ATP13A5: variants seen among roughly 807,000 people sequenced by gnomAD.
The protein encoded by ATP13A5 is ATPase 13A5, also known as probable cation-transporting ATPase 13A5.
ATP13A5 carries 149 observed loss-of-function variants against 150.2 expected under a neutral mutation model. That is an observed-to-expected ratio of 0.99 (90% confidence interval 0.87 to 1.14). ATP13A5 has a LOEUF of 1.14. Among genes scored for constraint, ATP13A5 ranks in the 50% most tolerant of loss-of-function variants. The pLI is 0.00. For synonymous variants in ATP13A5, 497 were observed against 522.2 expected (o/e 0.95, Z 0.66); for missense variants, 1,383 against 1,449.3 (o/e 0.95, Z 0.74).
intron 26 of ATP13A5, among the ~76,000 whole-genome samples, 170 bp downstream of exon 26, chr3:193,289,715 C>T (rs562623002): frequency 6.6e-6 from 1 of 152,248 alleles, no homozygotes; most frequent in African/African-American, 2.4e-5. Context: ...CCACCCACTC[C>T]ACCCCAGTAG....
intron 1 of ATP13A5, among the ~76,000 whole-genome samples, chr3:193,369,476 T>G (rs1286640197): frequency 6.6e-6 from 1 of 152,112 alleles, no homozygotes; most frequent in Non-Finnish European, 1.5e-5. Flanking sequence ...GTATTTATTT[T>G]GACCAACTAA....
chr3:193,377,369 A>G (rs1461652577), intron 1 of ATP13A5, among the ~76,000 whole-genome samples: 1 of 152,264 alleles, frequency 6.6e-6, no homozygotes, highest in Non-Finnish European at 1.5e-5. Flanking sequence ...TAGCAGCCAC[A>G]TTAAAGATGT....
chr3:193,285,244 G>T, intron 26 of ATP13A5, 128 bp from the exon 27 acceptor site: 1 of 718,310 alleles, frequency 1.4e-6, no homozygotes, highest in Non-Finnish European at 2.3e-6. Context: ...TAACTACCAA[G>T]ACATACTTTG....
intron 8 of ATP13A5, among the ~76,000 whole-genome samples, 198 bp downstream of exon 8, chr3:193,344,805 T>G (rs1325142212): frequency 1.3e-5 from 2 of 152,178 alleles, no homozygotes; most frequent in Non-Finnish European, 2.9e-5. Context: ...CTCAGGGCCC[T>G]GCAGCTGTGG....
intron 9 of ATP13A5, among the ~76,000 whole-genome samples, chr3:193,340,200 G>T (rs1037251764): frequency 6.6e-6 from 1 of 152,178 alleles, no homozygotes; most frequent in African/African-American, 2.4e-5. Flanking sequence ...CAAGGATCAA[G>T]ATGCCTCTTC....
rs1041023181 is a variant in ATP13A5, at chr3:193,327,171, C to T, written c.1462-114G>A. The stretch of plus-strand genomic sequence containing the variant: ...TATAGTAGATCCAGTAGTCTAAATA[C>T]CTTGTTTATAAGTACCAAATTTTAA... On this transcript the variant is annotated intron_variant, in intron 12 of 29. Transcript: ENST00000342358. 6 of 933,190 alleles carry T rather than the reference C, an allele frequency of 6.4e-6. No individual in the cohort carries two copies. The Admixed American group carries it at 1.0e-4, about 16-fold the overall frequency. The allele number at this position is 933,190 out of a possible 1,614,324, so 57.8% of individuals were successfully genotyped here.
intron 7 of ATP13A5, among the ~76,000 whole-genome samples, chr3:193,350,523 C>T (rs1213410464): frequency 2.0e-5 from 3 of 152,078 alleles, no homozygotes; most frequent in African/African-American, 7.2e-5. Flanking sequence ...CCCCTAACTC[C>T]CACACAGGAA....
chr3:193,299,819 T>C (rs1180274380), intron 24 of ATP13A5, among the ~76,000 whole-genome samples: 1 of 152,184 alleles, frequency 6.6e-6, no homozygotes, highest in Non-Finnish European at 1.5e-5. Context: ...GAAGTTGCCT[T>C]GCAATATCTC....
At chr3:193,340,649 C>T (rs779967235) in intron 9 of ATP13A5, among the ~76,000 whole-genome samples, 2 of 152,142 alleles carry the variant, frequency 1.3e-5, no homozygotes, top group African/African-American at 4.8e-5. Context: ...CACCCCTCTT[C>T]GCCATAATTA....
In ATP13A5 at chr3:193,331,324, AGAC is replaced by A. The variant is rs1490810775; in HGVS notation, c.1273-16_1273-14del. ...CTTTTGGAGGAACCTGGGAGAGGAC[AGAC>A]ATTTTCATACAGGATAGCCCAGCAC... On this transcript the variant is annotated splice_polypyrimidine_tract_variant and intron_variant, in intron 11 of 29. Transcript: ENST00000342358. The A allele has an allele frequency of 1.9e-6, 3 of 1,609,242 alleles. No individual in the cohort carries two copies. Among genetic ancestry groups the A allele is most frequent in the Non-Finnish European group, 1.7e-6 (2 of 1,178,502 alleles).
At position 193,281,238 on chromosome 3, in the gene ATP13A5, G is replaced by T. The variant is rs181959559; in HGVS notation, c.3227-1784C>A. On this transcript the variant is annotated intron_variant, in intron 27 of 29. Coordinates refer to ENST00000342358, the MANE Select transcript of ATP13A5 (RefSeq NM_198505.4). ...AGAAGCTGGGAAGAAGAGGACGCCT[G>T]AAAGGTCTGTTCTGATGAAGTCCTA... 2,808 of 984,522 alleles carry T rather than the reference G, an allele frequency of 2.9e-3. 7 individuals are homozygous for T. Among genetic ancestry groups the T allele is most frequent in the Non-Finnish European group, 3.2e-3 (2,667 of 829,106 alleles). 61.0% of individuals were successfully genotyped at this position (984,522 alleles called of 1,614,324 possible).
intron 24 of ATP13A5, among the ~76,000 whole-genome samples, chr3:193,300,395 T>C (rs1718353204): frequency 6.6e-6 from 1 of 152,144 alleles, no homozygotes. Flanking sequence ...AATCCAGGTT[T>C]TCTGACTCCC....
At position 193,285,132 on chromosome 3, in the gene ATP13A5, C is replaced by T. The variant is rs1445346349; in HGVS notation, c.3024-16G>A. 6.2e-7 allele frequency: 1 copy of T among 1,602,946 alleles called. No individual in the cohort carries two copies. Among genetic ancestry groups the T allele is most frequent in the Admixed American group, 1.7e-5 (1 of 59,064 alleles). On this transcript the variant is annotated splice_polypyrimidine_tract_variant and intron_variant, in intron 26 of 29. Coordinates refer to ENST00000342358, the MANE Select transcript of ATP13A5 (RefSeq NM_198505.4). ...AAAACACTCACTACAAAAGAATCACCAGTGTTTATGAAACATTTGATTCCA... is the reference window on the plus strand; with the variant it reads ...AAAACACTCACTACAAAAGAATCACTAGTGTTTATGAAACATTTGATTCCA...
chr3:193,275,970 A>T (rs923743833), intron 29 of ATP13A5, among the ~76,000 whole-genome samples: 2 of 150,162 alleles, frequency 1.3e-5, no homozygotes. Flanking sequence ...ATAGCTATTT[A>T]AACAAACAGC....
chr3:193,360,295 AT>A (rs10708126), intron 5 of ATP13A5, among the ~76,000 whole-genome samples: 21,938 of 152,172 alleles, frequency 0.14, 1,758 homozygotes, highest in Non-Finnish European at 0.16. Context: ...GTAAATCTGC[AT>A]TTTCTCTCTC....
At chr3:193,305,449 C>A in intron 23 of ATP13A5, 110 bp downstream of exon 23, 1 of 891,712 alleles carries the variant, frequency 1.1e-6, no homozygotes, top group Non-Finnish European at 1.9e-6. Context: ...AGCACTTCAC[C>A]CATTCCTCTG....
At position 193,311,913 on chromosome 3, in the gene ATP13A5, G is replaced by T; in HGVS notation, c.2348C>A (p.Ser783Ter). The T allele has an allele frequency of 1.2e-6, 2 of 1,613,864 alleles. No individual in the cohort carries two copies. Among genetic ancestry groups the T allele is most frequent in the Non-Finnish European group, 1.7e-6 (2 of 1,179,832 alleles). Residue 783 changes from serine (S) to a stop codon, truncating the protein, a stop_gained, in exon 20 of 30, where the codon TCA becomes TAA. Coordinates refer to ENST00000342358, the MANE Select transcript of ATP13A5 (RefSeq NM_198505.4). LOFTEE classifies it high-confidence loss of function. ...GCTTCCTCCTTCCCCACGAGGGGTT[G>T]AACTGTTTCCAGTATGCATGTAGAT... ...KEIYMHTGNS[S>*]TPRGEGGSCY...
intron 9 of ATP13A5, among the ~76,000 whole-genome samples, chr3:193,338,004 G>A (rs576741849): frequency 3.3e-5 from 5 of 152,264 alleles, no homozygotes; most frequent in Admixed American, 2.0e-4. Flanking sequence ...ATTGTGAATG[G>A]GAGTTCACTC....
At chr3:193,296,815 A>G (rs1000693546) in intron 25 of ATP13A5, among the ~76,000 whole-genome samples, 1 of 152,096 alleles carries the variant, frequency 6.6e-6, no homozygotes, top group Admixed American at 6.6e-5. Flanking sequence ...CTTCCTATCC[A>G]TGAGCATGGA....
Sources: gnomAD v4.1 joint callset for allele counts (sites outside exome capture counted in the v4.1 genomes callset) on GRCh38, gnomAD v4.1.1 for gene constraint, MANE v1.5 for transcripts, NCBI Gene and HGNC (gene_info 2026-07-23, HGNC 2026-07-21) for gene names.